Variants in ST6GALNAC3 observed in about 807,000 individuals in gnomAD.
ST6GALNAC3 encodes the protein ST6 N-acetylgalactosaminide alpha-2,6-sialyltransferase 3.
In ST6GALNAC3, 25 loss-of-function variants were observed where a neutral mutation model predicts 32.7. The observed-to-expected ratio is 0.76, with a 90% CI of 0.56 to 1.07. The LOEUF is 1.07. ST6GALNAC3 is among the 50% of genes least tolerant of loss of function. The pLI is 0.00. For synonymous variants in ST6GALNAC3, 129 were observed against 133.1 expected, an observed-to-expected ratio of 0.97 and a Z score of 0.21; for missense variants, 355 against 382.4, an observed-to-expected ratio of 0.93 and a Z score of 0.60.
intron 3 of ST6GALNAC3, among the ~76,000 whole-genome samples, chr1:76,618,213 T>C (rs567489001): frequency 1.3e-5 from 2 of 152,334 alleles, no homozygotes; most frequent in African/African-American, 4.8e-5. Flanking sequence ...GTTCATAATT[T>C]CCCAGAGGTT....
intron 1 of ST6GALNAC3, among the ~76,000 whole-genome samples, chr1:76,276,832 C>G (rs1488466766): frequency 6.6e-6 from 1 of 152,106 alleles, no homozygotes; most frequent in Non-Finnish European, 1.5e-5. Context: ...TTGGTTTTGT[C>G]AGCATTTAAA....
chr1:76,505,127 G>A (rs1352381978), intron 3 of ST6GALNAC3, among the ~76,000 whole-genome samples: 1 of 147,912 alleles, frequency 6.8e-6, no homozygotes, highest in African/African-American at 2.7e-5. Flanking sequence ...GGAAGCCAAA[G>A]CTTTTTTTTT....
At chr1:76,478,981 T>A (rs1659542635) in intron 3 of ST6GALNAC3, among the ~76,000 whole-genome samples, 1 of 151,964 alleles carries the variant, frequency 6.6e-6, no homozygotes, top group Non-Finnish European at 1.5e-5. Flanking sequence ...GACAGGATGG[T>A]CTCGATCTCC....
rs1251718620 is a variant in ST6GALNAC3, at chr1:76,630,829, TGATA to T, written c.*2030_*2033del. The T allele has an allele frequency of 5.1e-6, 5 of 985,496 alleles. No homozygotes were observed. Among genetic ancestry groups the T allele is most frequent in the South Asian group, 4.7e-5 (1 of 21,276 alleles). 61.0% of individuals were successfully genotyped at this position (985,496 alleles called of 1,614,324 possible). On this transcript the variant is annotated 3_prime_UTR_variant, in exon 5 of 5. Transcript: ENST00000328299. Reference sequence around the variant, plus strand: ...TGAATGTTAAGTTTTTTTGAGCTAATGATAGATAGAAATGCCCACTCAAAGAAAA... The same window carrying T: ...TGAATGTTAAGTTTTTTTGAGCTAATGATAGAAATGCCCACTCAAAGAAAA...
chr1:76,549,002 G>C lies in ST6GALNAC3; in HGVS notation c.624-78450G>C, dbSNP rs554839677. 3.9e-5 allele frequency among the ~76,000 whole-genome samples: 6 copies of C among 152,290 alleles called. No homozygotes were observed. The South Asian group carries it at 1.0e-3, about 26-fold the overall frequency. ...AGCTGGCTGCTAGATGAAAAGAGAA[G>C]AGAAGTTATTTCTGAAGTTATCACA... On this transcript the variant is annotated intron_variant, in intron 3 of 4. Coordinates refer to ENST00000328299, the MANE Select transcript of ST6GALNAC3 (RefSeq NM_152996.4).
In ST6GALNAC3 at chr1:76,234,748, A is replaced by G. The variant is rs541225116; in HGVS notation, c.19-79057A>G. 2.6e-5 allele frequency among the ~76,000 whole-genome samples: 4 copies of G among 152,320 alleles called. No individual in the cohort carries two copies. The South Asian group carries it at 8.3e-4, about 32-fold the overall frequency. On this transcript the variant is annotated intron_variant, in intron 1 of 4. Coordinates refer to ENST00000328299, the MANE Select transcript of ST6GALNAC3 (RefSeq NM_152996.4). ...GTTGTTTTATAAAATGGAATAGTCA[A>G]TCTCAGCTTTCTAAACAGAGTTTCT...
chr1:76,411,923 A>T, intron 2 of ST6GALNAC3, 85 bp from the exon 3 acceptor site: 2 of 1,417,744 alleles, frequency 1.4e-6, no homozygotes, highest in South Asian at 2.7e-5. Context: ...TAATTATACA[A>T]TATATGAACT....
intron 1 of ST6GALNAC3, among the ~76,000 whole-genome samples, chr1:76,154,427 G>C (rs1211269153): frequency 2.6e-5 from 4 of 152,180 alleles, no homozygotes. Context: ...TACTTTCAAG[G>C]TTTGTTATGA....
chr1:76,469,806 T>C (rs1432430531), intron 3 of ST6GALNAC3, among the ~76,000 whole-genome samples: 1 of 152,118 alleles, frequency 6.6e-6, no homozygotes, highest in Non-Finnish European at 1.5e-5. Flanking sequence ...AATGTTCTGA[T>C]GGATATTTGA....
chr1:76,142,530 C>T (rs1650395379), intron 1 of ST6GALNAC3, among the ~76,000 whole-genome samples: 1 of 152,196 alleles, frequency 6.6e-6, no homozygotes, highest in African/African-American at 2.4e-5. Flanking sequence ...ATGCAGGACA[C>T]TCTCAGGGTG....
chr1:76,393,168 C>A (rs555603311), intron 2 of ST6GALNAC3, among the ~76,000 whole-genome samples: 120 of 152,262 alleles, frequency 7.9e-4, no homozygotes, highest in African/African-American at 2.4e-3. Context: ...TTAAAGTAAA[C>A]TATTCTTTAT....
At chr1:76,542,637 G>A (rs1414553876) in intron 3 of ST6GALNAC3, among the ~76,000 whole-genome samples, 1 of 151,960 alleles carries the variant, frequency 6.6e-6, no homozygotes, top group Non-Finnish European at 1.5e-5. Flanking sequence ...CACCTCTCAG[G>A]GTAATCATTT....
chr1:76,371,959 T>C (rs988622250), intron 2 of ST6GALNAC3, among the ~76,000 whole-genome samples: 3 of 152,168 alleles, frequency 2.0e-5, no homozygotes, highest in South Asian at 2.1e-4. Context: ...TCCCCAGTTC[T>C]TTGAGATTTC....
intron 3 of ST6GALNAC3, among the ~76,000 whole-genome samples, chr1:76,626,906 T>A (rs191891935): frequency 6.6e-6 from 1 of 152,062 alleles, no homozygotes; most frequent in Non-Finnish European, 1.5e-5. Flanking sequence ...GGAAAAGTCT[T>A]GTCTTATAAT....
intron 1 of ST6GALNAC3, among the ~76,000 whole-genome samples, chr1:76,291,736 T>C (rs1660107088): frequency 7.0e-6 from 1 of 142,032 alleles, no homozygotes; most frequent in Non-Finnish European, 1.6e-5. Flanking sequence ...TTAATATAAC[T>C]TGTTTTTTAG....
intron 3 of ST6GALNAC3, among the ~76,000 whole-genome samples, chr1:76,420,020 G>A (rs6673468): frequency 0.25 from 37,371 of 150,170 alleles, 5,401 homozygotes; most frequent in African/African-American, 0.4. Context: ...AGCTCCCCGT[G>A]CAGAGACAGA....
intron 1 of ST6GALNAC3, among the ~76,000 whole-genome samples, chr1:76,176,140 C>T (rs1652836881): frequency 6.6e-6 from 1 of 152,154 alleles, no homozygotes; most frequent in East Asian, 1.9e-4. Context: ...TTTCTAATGC[C>T]TTCCCTCCCT....
chr1:76,380,219 A>G (rs1952021), intron 2 of ST6GALNAC3, among the ~76,000 whole-genome samples: 48,569 of 152,050 alleles, frequency 0.32, 8,782 homozygotes, highest in Middle Eastern at 0.43. Context: ...GTAAAAGGGT[A>G]CTTAACCTCA....
chr1:76,563,245 G>A (rs140026352), intron 3 of ST6GALNAC3, among the ~76,000 whole-genome samples: 1 of 152,202 alleles, frequency 6.6e-6, no homozygotes, highest in Non-Finnish European at 1.5e-5. Context: ...CAGAGACCCG[G>A]GGAAGGGGAG....
Sources: allele counts gnomAD v4.1 joint callset (sites outside exome capture counted in the v4.1 genomes callset), GRCh38; gene constraint gnomAD v4.1.1; transcripts MANE v1.5; gene names NCBI Gene and HGNC (gene_info 2026-07-23, HGNC 2026-07-21).